GAS2: variants seen among roughly 807,000 people sequenced by gnomAD.
The protein encoded by GAS2 is growth arrest specific 2.
In GAS2, 20 loss-of-function variants were observed where a neutral mutation model predicts 37.5. The ratio of observed to expected loss-of-function variants is 0.53; its 90% CI spans 0.37 to 0.77. GAS2 has a LOEUF of 0.77. Among genes scored for constraint, GAS2 ranks in the 30% least tolerant of loss-of-function variants. GAS2 has a pLI of 0.00. For synonymous variants in GAS2, 144 were observed against 132.2 expected (o/e 1.09, Z -0.61); for missense variants, 336 against 373.4 (o/e 0.90, Z 0.82).
chr11:22,631,508 T>C (rs1384726357), intron 1 of GAS2, among the ~76,000 whole-genome samples: 2 of 152,124 alleles, frequency 1.3e-5, no homozygotes, highest in Admixed American at 1.3e-4. Context: ...CTGTGCTTAG[T>C]TTGTTGAGGT....
chr11:22,794,750 C>T (rs954734461), intron 7 of GAS2, among the ~76,000 whole-genome samples: 1 of 152,100 alleles, frequency 6.6e-6, no homozygotes, highest in Non-Finnish European at 1.5e-5. Context: ...TACCAGGTCC[C>T]CTTAGAGAAG....
intron 1 of GAS2, among the ~76,000 whole-genome samples, chr11:22,651,989 G>T (rs1019671472): frequency 6.6e-6 from 1 of 152,170 alleles, no homozygotes; most frequent in Non-Finnish European, 1.5e-5. Context: ...GAGGAGGAGA[G>T]GTGCTCTGCT....
chr11:22,685,867 A>C, intron 3 of GAS2, 78 bp downstream of exon 3: 1 of 1,442,348 alleles, frequency 6.9e-7, no homozygotes, highest in Non-Finnish European at 9.3e-7. Flanking sequence ...GTGTAATTAA[A>C]AAATTTATTG....
chr11:22,708,635 C>T lies in GAS2; in HGVS notation c.268-17657C>T, dbSNP rs761984758. On this transcript the variant is annotated intron_variant, in intron 3 of 7. Coordinates refer to ENST00000454584, the MANE Select transcript of GAS2 (RefSeq NM_001143830.3). Reference sequence around the variant, plus strand: ...GTGACTATATATGGAATATATGCCTCGGCTACAATCATATTTGTATTTATT... The same window carrying T: ...GTGACTATATATGGAATATATGCCTTGGCTACAATCATATTTGTATTTATT... 5.3e-5 allele frequency among the ~76,000 whole-genome samples: 8 copies of T among 152,060 alleles called. No individual in the cohort carries two copies. The South Asian group carries it at 8.3e-4, about 16-fold the overall frequency.
At chr11:22,633,302 C>T (rs1003318914) in intron 1 of GAS2, among the ~76,000 whole-genome samples, 3 of 152,010 alleles carry the variant, frequency 2.0e-5, no homozygotes, top group African/African-American at 7.3e-5. Flanking sequence ...TATTTCAGCT[C>T]TTGGTGTTTT....
chr11:22,664,186 GTTAT>G (rs1848949358), upstream of GAS2, among the ~76,000 whole-genome samples: 1 of 152,072 alleles, frequency 6.6e-6, no homozygotes, highest in Admixed American at 6.5e-5. Context: ...CTGTTTCCGT[GTTAT>G]TTAATTTTTT....
chr11:22,743,102 C>T (rs79511368), intron 5 of GAS2, among the ~76,000 whole-genome samples: 2,095 of 152,134 alleles, frequency 0.014, 57 homozygotes, highest in African/African-American at 0.048. Flanking sequence ...ACAAATTTTA[C>T]CCAGTGAGTT....
chr11:22,690,721 G>A (rs924729733), intron 3 of GAS2, among the ~76,000 whole-genome samples: 39 of 152,136 alleles, frequency 2.6e-4, no homozygotes, highest in African/African-American at 9.2e-4. Context: ...TTTAAGGTTA[G>A]GTTTTATGTC....
chr11:22,739,589 A>G (rs904524020), intron 5 of GAS2, among the ~76,000 whole-genome samples: 3 of 150,860 alleles, frequency 2.0e-5, no homozygotes, highest in East Asian at 1.9e-4. Flanking sequence ...AAAAAAAAAA[A>G]AAAAAAAAGA....
chr11:22,754,839 T>C (rs1209036877), intron 6 of GAS2, among the ~76,000 whole-genome samples: 1 of 152,162 alleles, frequency 6.6e-6, no homozygotes, highest in Non-Finnish European at 1.5e-5. Context: ...CATGACATCT[T>C]TGTGGAAGAA....
intron 4 of GAS2, among the ~76,000 whole-genome samples, chr11:22,735,672 A>G (rs1429416446): frequency 6.6e-6 from 1 of 151,948 alleles, no homozygotes. Flanking sequence ...ATTTTTCTTC[A>G]GAATGAATTT....
intron 2 of GAS2, among the ~76,000 whole-genome samples, chr11:22,676,261 C>A (rs1338617236): frequency 6.6e-6 from 1 of 152,054 alleles, no homozygotes; most frequent in African/African-American, 2.4e-5. Context: ...ATTCAGAGTG[C>A]CTTTTATCTC....
chr11:22,776,585 A>C (rs1271023665), intron 7 of GAS2, among the ~76,000 whole-genome samples: 2 of 152,186 alleles, frequency 1.3e-5, no homozygotes, highest in Non-Finnish European at 2.9e-5. Context: ...TCATCTATTT[A>C]TCATCTATTT....
At chr11:22,651,334 C>T (rs1848773108) in intron 1 of GAS2, among the ~76,000 whole-genome samples, 1 of 152,186 alleles carries the variant, frequency 6.6e-6, no homozygotes, top group Non-Finnish European at 1.5e-5. Flanking sequence ...CGAACTTTCG[C>T]TCAGACTGCC....
At chr11:22,727,216 A>G (rs1852258865) in intron 4 of GAS2, among the ~76,000 whole-genome samples, 1 of 152,082 alleles carries the variant, frequency 6.6e-6, no homozygotes, top group Middle Eastern at 3.2e-3. Context: ...TATTAGAACT[A>G]AAGGCTCATT....
At chr11:22,802,818 T>C (rs1240352435) in intron 7 of GAS2, among the ~76,000 whole-genome samples, 4 of 152,112 alleles carry the variant, frequency 2.6e-5, no homozygotes, top group Non-Finnish European at 1.5e-5. Context: ...TTCTGTAAGA[T>C]TTTAATACAG....
intron 1 of GAS2, among the ~76,000 whole-genome samples, chr11:22,653,003 C>CTTTGTCTTTCTTTCTTTCTTTCTTTCTT (rs1848807926): frequency 1.4e-5 from 2 of 140,564 alleles, no homozygotes; most frequent in African/African-American, 5.3e-5. Context: ...GTCTTTCTTT[C>CTTTGTCTTTCTTTCTTTCTTTCTTTCTT]TTTCTTTCTT....
intron 5 of GAS2, among the ~76,000 whole-genome samples, chr11:22,740,771 C>T (rs1249655294): frequency 2.0e-5 from 3 of 152,106 alleles, no homozygotes; most frequent in Non-Finnish European, 2.9e-5. Flanking sequence ...ATACATTAGA[C>T]ATATATCTAA....
chr11:22,795,361 C>T (rs1590140071), intron 7 of GAS2, among the ~76,000 whole-genome samples: 1 of 151,912 alleles, frequency 6.6e-6, no homozygotes, highest in South Asian at 2.1e-4. Context: ...GTGGTAAATG[C>T]CATGCTGCAA....
Sources: allele counts gnomAD v4.1 joint callset (sites outside exome capture counted in the v4.1 genomes callset), GRCh38; gene constraint gnomAD v4.1.1; transcripts MANE v1.5; gene names NCBI Gene and HGNC (gene_info 2026-07-23, HGNC 2026-07-21).